KLRC1: variants seen among roughly 807,000 people sequenced by gnomAD.
KLRC1 encodes NKG2-A/NKG2-B type II integral membrane protein.
A neutral mutation model predicts 25.9 loss-of-function variants in KLRC1; 22 were observed. That is an observed-to-expected ratio of 0.85 (90% CI 0.61 to 1.21). KLRC1 has a LOEUF of 1.21. Ranked by LOEUF, KLRC1 falls within the 50% of genes most tolerant of loss-of-function variation. The probability of loss-of-function intolerance (pLI) is 0.00; values close to 1 mark genes in which losing one functional copy is unlikely to be tolerated. For missense variants in KLRC1, 240 were observed against 272.2 expected (o/e 0.88, Z 0.83); for synonymous variants, 77 against 93.1 (o/e 0.83, Z 0.99).
chr12:10,454,019 C>A (rs1864169104), upstream of KLRC1, among the ~76,000 whole-genome samples: 1 of 152,170 alleles, frequency 6.6e-6, no homozygotes. Flanking sequence ...TTCATTTATT[C>A]ATCCTCCGCC....
intron 1 of KLRC1, chr12:10,451,425 A>C: frequency 4.6e-6 from 1 of 216,456 alleles, no homozygotes; most frequent in Non-Finnish European, 9.0e-6. Flanking sequence ...TGGGAGGCCG[A>C]GGCATGCCGA....
downstream of KLRC1, among the ~76,000 whole-genome samples, chr12:10,444,490 G>A (rs1422763178): frequency 6.6e-6 from 1 of 152,118 alleles, no homozygotes; most frequent in East Asian, 1.9e-4. Flanking sequence ...CCTATTTCTA[G>A]ATTAAACATG....
At position 10,447,589 on chromosome 12, in the gene KLRC1, A is replaced by T; in HGVS notation, c.533T>A (p.Phe178Tyr). 6.2e-7 allele frequency: 1 copy of T among 1,609,980 alleles called. No individual in the cohort carries two copies. Among genetic ancestry groups the T allele is most frequent in the Non-Finnish European group, 8.5e-7 (1 of 1,177,806 alleles). The change falls in exon 6 of 7, where the codon TTT becomes TAT. Residue 178 changes from phenylalanine (F) to tyrosine (Y), a missense_variant. Phe to Tyr is a conservative substitution (Grantham distance 22, BLOSUM62 3). Coordinates refer to ENST00000359151, the MANE Select transcript of KLRC1 (RefSeq NM_002259.5). ...CCATGGATGATGACTGCTGTTACGA[A>T]ACACACCAATCCATGAGGATGGTGA... is the stretch of plus-strand genomic sequence containing the variant. ...IISPSSWIGV[F>Y]RNSSHHPWVT...
At chr12:10,449,868 A>C in intron 4 of KLRC1, 46 bp downstream of exon 4, 1 of 1,370,560 alleles carries the variant, frequency 7.3e-7, no homozygotes. Flanking sequence ...TAAGATCAAG[A>C]AAAAATAAAC....
intron 4 of KLRC1, 70 bp downstream of exon 4, chr12:10,449,844 A>AT: frequency 8.0e-7 from 1 of 1,255,736 alleles, no homozygotes; most frequent in Non-Finnish European, 1.1e-6. Flanking sequence ...CCAAAATTTT[A>AT]TTTTTGTACA....
At chr12:10,443,049 A>G (rs1376414441), downstream of KLRC1, among the ~76,000 whole-genome samples, 3 of 127,572 alleles carry the variant, frequency 2.4e-5, no homozygotes, top group Non-Finnish European at 5.0e-5. Context: ...ATGGGTACGA[A>G]AAAAAGATAG....
rs1864090534 is a variant in KLRC1 at position 10,450,118 on chromosome 12, G to A, written c.284-151C>T. Reference sequence around the variant, plus strand: ...AAGAAAAATTTGATAAAGTAATGGTGGTTTTTTGGAAAAGTATTTCATAGA... The same window carrying A: ...AAGAAAAATTTGATAAAGTAATGGTAGTTTTTTGGAAAAGTATTTCATAGA... On this transcript the variant is annotated intron_variant, in intron 3 of 6. Transcript: ENST00000359151. 1.8e-5 allele frequency: 11 copies of A among 596,032 alleles called. No homozygotes were observed. In the South Asian group the frequency reaches 5.6e-4, roughly 30 times the overall value. The allele number at this position is 596,032 out of a possible 1,614,324, so 36.9% of individuals were successfully genotyped here. A position where few individuals can be genotyped will look rare whatever the true frequency, so the allele number is the denominator to read the frequency against.
intron 5 of KLRC1, 23 bp downstream of exon 5, chr12:10,449,214 T>C (rs1260401904): frequency 3.7e-6 from 6 of 1,613,306 alleles, no homozygotes; most frequent in Admixed American, 3.3e-5. Context: ...TTTCATAAAG[T>C]GTTTAAAACA....
At chr12:10,450,228 T>C (rs1338141358) in intron 3 of KLRC1, 5 of 437,746 alleles carry the variant, frequency 1.1e-5, no homozygotes, top group Non-Finnish European at 2.0e-5. Flanking sequence ...TATTTCTCAG[T>C]AAGGTTTTTC....
Position 10,447,502 on chromosome 12 carries a change from T to A in KLRC1, c.590+30A>T, listed in dbSNP as rs757208666. On this transcript the variant is annotated intron_variant, in intron 6 of 6. Transcript: ENST00000359151. ...CTGAATTTATCCTTTATATATATATTGTTATATAGCGCCATACAAAACAAC... is the reference window on the plus strand; with the variant it reads ...CTGAATTTATCCTTTATATATATATAGTTATATAGCGCCATACAAAACAAC... The A allele has an allele frequency of 3.4e-6, 5 of 1,463,624 alleles. No homozygotes were observed. The African/African-American group carries it at 7.0e-5, about 21-fold the overall frequency. The allele number at this position is 1,463,624 out of a possible 1,614,324, so 90.7% of individuals were successfully genotyped here. A position where few individuals can be genotyped will look rare whatever the true frequency, so the allele number is the denominator to read the frequency against.
chr12:10,444,531 A>C (rs1381505083), downstream of KLRC1, among the ~76,000 whole-genome samples: 2 of 152,228 alleles, frequency 1.3e-5, no homozygotes, highest in Non-Finnish European at 2.9e-5. Flanking sequence ...ACAGTTATTT[A>C]GTGGCAATAA....
intron 5 of KLRC1, among the ~76,000 whole-genome samples, chr12:10,448,370 C>T (rs1331052997): frequency 1.3e-5 from 2 of 152,192 alleles, no homozygotes; most frequent in African/African-American, 2.4e-5. Flanking sequence ...CAGCAAAGCT[C>T]ACTCCTGTTC....
At chr12:10,450,676 C>A in intron 2 of KLRC1, 97 bp from the exon 3 acceptor site, 1 of 771,898 alleles carries the variant, frequency 1.3e-6, no homozygotes, top group Non-Finnish European at 2.2e-6. Flanking sequence ...AGGAATCATA[C>A]AGAGAAACTT....
intron 3 of KLRC1, 111 bp from the exon 4 acceptor site, chr12:10,450,078 AAT>A: frequency 1.2e-6 from 1 of 861,476 alleles, no homozygotes; most frequent in Non-Finnish European, 1.6e-6. Flanking sequence ...AATAATATGG[AAT>A]AAAATTGATT....
intron 4 of KLRC1, 133 bp from the exon 5 acceptor site, chr12:10,449,521 T>A: frequency 2.1e-6 from 3 of 1,453,932 alleles, no homozygotes; most frequent in Non-Finnish European, 2.8e-6. Flanking sequence ...GGTAAATATA[T>A]AGTGTCAAAA....
downstream of KLRC1, among the ~76,000 whole-genome samples, chr12:10,444,766 A>G (rs1330109121): frequency 6.6e-6 from 1 of 152,160 alleles, no homozygotes; most frequent in Non-Finnish European, 1.5e-5. Context: ...AAATGCTTCT[A>G]GGTTATAGAA....
At chr12:10,447,206 C>T (rs1864005571) in intron 6 of KLRC1, 1 of 208,130 alleles carries the variant, frequency 4.8e-6, no homozygotes, top group Non-Finnish European at 9.6e-6. Context: ...TTAAAACATT[C>T]TGTGATTTTT....
chr12:10,447,684 A>C, intron 5 of KLRC1, 52 bp from the exon 6 acceptor site: 1 of 1,409,468 alleles, frequency 7.1e-7, no homozygotes, highest in East Asian at 2.5e-5. Context: ...AAAACATTAC[A>C]AAAACAATAT....
chr12:10,446,645 T>A lies in KLRC1; in HGVS notation c.608A>T (p.Asn203Ile), dbSNP rs769071378. The change falls in exon 7 of 7, where the codon AAT becomes ATT. Residue 203 changes from asparagine (N) to isoleucine (I), a missense_variant. By Grantham distance (149) the Asn-to-Ile change is moderately radical (BLOSUM62 -3). Transcript: ENST00000359151. ...AFKHEIKDSD[N>I]AELNCAVLQV... ...TAGCACTGCACAGTTAAGTTCAGCA[T>A]TATCTGAGTCTTTTATCCTGTAATG... The A allele has an allele frequency of 6.2e-7, 1 of 1,613,948 alleles. No homozygotes were observed.
Sources: gnomAD v4.1 joint callset for allele counts (sites outside exome capture counted in the v4.1 genomes callset) on GRCh38, gnomAD v4.1.1 for gene constraint, MANE v1.5 for transcripts, NCBI Gene and HGNC (gene_info 2026-07-23, HGNC 2026-07-21) for gene names.